EPHA5: variants seen among roughly 807,000 people sequenced by gnomAD.
EPHA5 encodes EPH receptor A5.
EPHA5 carries 60 observed loss-of-function variants against 105.0 expected under a neutral mutation model. That is an observed-to-expected ratio of 0.57 (90% CI 0.46 to 0.71). The LOEUF (loss-of-function observed/expected upper bound fraction) is 0.71. Among genes scored for constraint, EPHA5 ranks in the 30% least tolerant of loss-of-function variants. EPHA5 has a pLI of 0.00. For synonymous variants in EPHA5, 513 were observed against 449.1 expected, an observed-to-expected ratio of 1.14 and a Z score of -1.80; for missense variants, 1,218 against 1,274.7, an observed-to-expected ratio of 0.96 and a Z score of 0.68.
chr4:65,579,503 G>A (rs1741403361), intron 3 of EPHA5, among the ~76,000 whole-genome samples: 1 of 151,000 alleles, frequency 6.6e-6, no homozygotes, highest in Admixed American at 6.6e-5. Context: ...AATTGCATTT[G>A]GAACGTTTTG....
At chr4:65,543,803 A>G (rs1389339862) in intron 3 of EPHA5, among the ~76,000 whole-genome samples, 1 of 152,076 alleles carries the variant, frequency 6.6e-6, no homozygotes, top group Non-Finnish European at 1.5e-5. Context: ...CAGCGATATC[A>G]CACTACCTGA....
At chr4:65,561,220 A>G (rs556828375) in intron 3 of EPHA5, among the ~76,000 whole-genome samples, 22 of 152,126 alleles carry the variant, frequency 1.4e-4, no homozygotes, top group African/African-American at 5.3e-4. Context: ...CCTTGTTCTT[A>G]AAAATAAATG....
intron 1 of EPHA5, 174 bp downstream of exon 1, chr4:65,669,388 A>G: frequency 1.0e-6 from 1 of 985,084 alleles, no homozygotes; most frequent in Non-Finnish European, 1.2e-6. Flanking sequence ...AATGCAACCA[A>G]AAACCGCAGA....
intron 3 of EPHA5, among the ~76,000 whole-genome samples, chr4:65,593,586 A>G (rs1433892757): frequency 6.6e-6 from 1 of 152,004 alleles, no homozygotes; most frequent in African/African-American, 2.4e-5. Flanking sequence ...GGTGATGCCA[A>G]TGCTGCCGGT....
At chr4:65,587,414 T>G (rs768371375) in intron 3 of EPHA5, among the ~76,000 whole-genome samples, 1 of 151,946 alleles carries the variant, frequency 6.6e-6, no homozygotes, top group Non-Finnish European at 1.5e-5. Flanking sequence ...GGCCAAAACA[T>G]GTTTTAAAAA....
chr4:65,576,059 A>AAAGAAAGG (rs1491350087), intron 3 of EPHA5, among the ~76,000 whole-genome samples: 3 of 61,428 alleles, frequency 4.9e-5, no homozygotes, highest in African/African-American at 1.7e-4. Flanking sequence ...AGAAAGAAAG[A>AAAGAAAGG]AAAGAAAAGA....
In EPHA5 at chr4:65,384,321, T is replaced by C. The variant is rs759031380; in HGVS notation, c.1794-16897A>G. Among the ~76,000 whole-genome samples, 143 of 152,026 alleles carry C rather than the reference T, an allele frequency of 9.4e-4. 2 individuals carry two copies. Among genetic ancestry groups the C allele is most frequent in the Non-Finnish European group, 3.1e-4 (21 of 67,946 alleles). On this transcript the variant is annotated intron_variant, in intron 8 of 16. Coordinates refer to ENST00000613740, the MANE Select transcript of EPHA5 (RefSeq NM_001281766.3). ...ATAATTTTATCTTCTATTCTCACACTGATTTCTTCTCAATTTGTTCCAAAT... is the reference window on the plus strand; with the variant it reads ...ATAATTTTATCTTCTATTCTCACACCGATTTCTTCTCAATTTGTTCCAAAT...
rs1041718937 is a variant in EPHA5, at chr4:65,527,231, G to A, written c.911-31688C>T. Among the ~76,000 whole-genome samples, 31 of 151,904 alleles carry A rather than the reference G, an allele frequency of 2.0e-4. 1 individual carries two copies. The highest frequency in any genetic ancestry group is 8.8e-5 in the Non-Finnish European group (6 of 67,926). On this transcript the variant is annotated intron_variant, in intron 3 of 16. Transcript: ENST00000613740. Reference sequence around the variant, plus strand: ...TTATTGTGTTATTACTTGCAATAGCGAAAAAATTAGAAAGAACCTATAATA... The same window carrying A: ...TTATTGTGTTATTACTTGCAATAGCAAAAAAATTAGAAAGAACCTATAATA...
chr4:65,363,064 G>A (rs371699602), intron 11 of EPHA5, among the ~76,000 whole-genome samples: 2 of 151,614 alleles, frequency 1.3e-5, no homozygotes, highest in African/African-American at 4.8e-5. Flanking sequence ...AGGTTTCAGT[G>A]AAGTTGAAAA....
intron 8 of EPHA5, among the ~76,000 whole-genome samples, chr4:65,379,883 A>G (rs1255016841): frequency 1.3e-5 from 2 of 151,806 alleles, no homozygotes; most frequent in African/African-American, 4.8e-5. Context: ...ATATGTTATT[A>G]AGAAAACTAA....
intron 5 of EPHA5, among the ~76,000 whole-genome samples, chr4:65,430,310 T>C (rs545906757): frequency 1.3e-5 from 2 of 151,994 alleles, no homozygotes; most frequent in Non-Finnish European, 2.9e-5. Flanking sequence ...CTATTTATTT[T>C]AAAAAGTAAA....
At chr4:65,348,504 A>G (rs1318855419) in intron 13 of EPHA5, among the ~76,000 whole-genome samples, 2 of 151,494 alleles carry the variant, frequency 1.3e-5, no homozygotes, top group African/African-American at 4.9e-5. Flanking sequence ...AAGCAAACCA[A>G]TAAGGTATAC....
chr4:65,365,421 T>G, intron 10 of EPHA5, among the ~76,000 whole-genome samples: 1 of 151,026 alleles, frequency 6.6e-6, no homozygotes, highest in East Asian at 2.0e-4. Flanking sequence ...CAGAGGATCA[T>G]AAAACACTAT....
intron 9 of EPHA5, 121 bp from the exon 10 acceptor site, chr4:65,366,178 G>T: frequency 1.2e-6 from 1 of 862,018 alleles, no homozygotes; most frequent in Non-Finnish European, 1.7e-6. Flanking sequence ...AAACTGCAAG[G>T]ACCAGCCCTC....
intron 3 of EPHA5, among the ~76,000 whole-genome samples, chr4:65,550,535 T>G (rs1380101769): frequency 6.6e-6 from 1 of 152,140 alleles, no homozygotes; most frequent in African/African-American, 2.4e-5. Flanking sequence ...TTTAAGCATT[T>G]ATTAAAAGAA....
At chr4:65,574,608 A>G (rs890690186) in intron 3 of EPHA5, among the ~76,000 whole-genome samples, 17 of 136,672 alleles carry the variant, frequency 1.2e-4, no homozygotes, top group Non-Finnish European at 2.0e-4. Context: ...CTGTATATAT[A>G]TATACATATA....
intron 4 of EPHA5, 133 bp downstream of exon 4, chr4:65,495,255 A>C (rs1731807301): frequency 1.0e-6 from 1 of 957,574 alleles, no homozygotes; most frequent in Admixed American, 2.9e-5. Context: ...AAATTGGTGA[A>C]AACTGTATAG....
At chr4:65,555,262 T>C (rs1296364996) in intron 3 of EPHA5, among the ~76,000 whole-genome samples, 1 of 151,938 alleles carries the variant, frequency 6.6e-6, no homozygotes, top group Non-Finnish European at 1.5e-5. Context: ...TATGGAAGCT[T>C]GGAATGCACT....
intron 8 of EPHA5, among the ~76,000 whole-genome samples, chr4:65,398,029 AC>A (rs1162436875): frequency 6.6e-6 from 1 of 151,444 alleles, no homozygotes; most frequent in East Asian, 2.0e-4. Flanking sequence ...AAGCCTCACC[AC>A]CCCCCTTCCA....
Sources: allele counts gnomAD v4.1 joint callset (sites outside exome capture counted in the v4.1 genomes callset), GRCh38; gene constraint gnomAD v4.1.1; transcripts MANE v1.5; gene names NCBI Gene and HGNC (gene_info 2026-07-23, HGNC 2026-07-21).